The following ACTL8 variants were observed in gnomAD, a reference collection of about 807,000 sequenced individuals.
ACTL8 encodes actin like 8.
A neutral mutation model predicts 9.3 loss-of-function variants in ACTL8; 3 were observed. That is an observed-to-expected ratio of 0.32 (90% CI 0.15 to 0.83). The LOEUF (loss-of-function observed/expected upper bound fraction) is 0.83, where lower values mean the gene tolerates loss of function less well. ACTL8 is among the 40% of genes least tolerant of loss of function. The pLI, the probability that ACTL8 is intolerant of heterozygous loss-of-function variation, is 0.57. For missense variants in ACTL8, 381 were observed against 492.2 expected (o/e 0.77, Z 2.14); for synonymous variants, 224 against 205.9 (o/e 1.09, Z -0.75).
At chr1:17,809,208 T>C (rs2066377999) in intron 1 of ACTL8, among the ~76,000 whole-genome samples, 2 of 152,036 alleles carry the variant, frequency 1.3e-5, no homozygotes, top group Non-Finnish European at 2.9e-5. Flanking sequence ...TGGTGGTGCT[T>C]GGGAGAGGTA....
chr1:17,761,707 A>T (rs550849663), intron 1 of ACTL8, among the ~76,000 whole-genome samples: 3 of 152,072 alleles, frequency 2.0e-5, no homozygotes, highest in Non-Finnish European at 4.4e-5. Flanking sequence ...AGTAGCTGGG[A>T]TTACAGGCAC....
At chr1:17,801,910 T>C (rs2066325262) in intron 1 of ACTL8, among the ~76,000 whole-genome samples, 1 of 152,222 alleles carries the variant, frequency 6.6e-6, no homozygotes, top group Non-Finnish European at 1.5e-5. Flanking sequence ...CTTTTACCCT[T>C]ATATCTACAG....
chr1:17,778,174 G>A (rs534879816), intron 1 of ACTL8, among the ~76,000 whole-genome samples: 125 of 152,322 alleles, frequency 8.2e-4, no homozygotes, highest in Middle Eastern at 6.8e-3. Flanking sequence ...AAAGCTGTGG[G>A]TTGGCCCCTG....
At chr1:17,763,306 C>T (rs1468084987) in intron 1 of ACTL8, among the ~76,000 whole-genome samples, 1 of 151,994 alleles carries the variant, frequency 6.6e-6, no homozygotes, top group African/African-American at 2.4e-5. Context: ...CCGAGCTGGC[C>T]CAACGCTCCT....
chr1:17,795,038 T>C (rs186158424), intron 1 of ACTL8, among the ~76,000 whole-genome samples: 1 of 152,336 alleles, frequency 6.6e-6, no homozygotes, highest in East Asian at 1.9e-4. Context: ...AATCCAATAG[T>C]TGATTTCACT....
intron 1 of ACTL8, among the ~76,000 whole-genome samples, chr1:17,815,907 A>C (rs1281780257): frequency 6.6e-6 from 1 of 151,786 alleles, no homozygotes; most frequent in Non-Finnish European, 1.5e-5. Context: ...AAATCCCCTT[A>C]CTCATTCCTC....
At chr1:17,824,486 G>A (rs1272570178) in intron 2 of ACTL8, among the ~76,000 whole-genome samples, 1 of 152,214 alleles carries the variant, frequency 6.6e-6, no homozygotes, top group Non-Finnish European at 1.5e-5. Flanking sequence ...TTAAGTTGTT[G>A]CAGCAGAGAC....
chr1:17,781,884 T>C (rs553117345), intron 1 of ACTL8, among the ~76,000 whole-genome samples: 2 of 152,204 alleles, frequency 1.3e-5, no homozygotes, highest in South Asian at 4.2e-4. Flanking sequence ...CAGATAGGGC[T>C]ATTGGGACAG....
At chr1:17,796,209 C>T (rs976802543) in intron 1 of ACTL8, among the ~76,000 whole-genome samples, 1 of 151,852 alleles carries the variant, frequency 6.6e-6, no homozygotes, top group Non-Finnish European at 1.5e-5. Flanking sequence ...GGTTTGGTTC[C>T]CTGGAGGAGA....
chr1:17,778,689 G>A (rs997470653), intron 1 of ACTL8, among the ~76,000 whole-genome samples: 10 of 152,128 alleles, frequency 6.6e-5, no homozygotes, highest in African/African-American at 9.7e-5. Context: ...TTTCTTCTCC[G>A]TACAAGGAAG....
chr1:17,758,105 A>G (rs1011920750), intron 1 of ACTL8, among the ~76,000 whole-genome samples: 2 of 152,240 alleles, frequency 1.3e-5, no homozygotes, highest in African/African-American at 4.8e-5. Context: ...CTTGAAATGC[A>G]CAGTGGCTGC....
At position 17,788,273 on chromosome 1, in the gene ACTL8, G is replaced by A. The variant is rs546551560; in HGVS notation, c.-25+32769G>A. Among the ~76,000 whole-genome samples the A allele has an allele frequency of 1.0e-3, 159 of 152,338 alleles. 1 individual carries two copies. Among genetic ancestry groups the A allele is most frequent in the African/African-American group, 3.6e-3 (148 of 41,580 alleles). On this transcript the variant is annotated intron_variant, in intron 1 of 2. Transcript: ENST00000375406. ...AAAAAAATCTGTGTCTTCTTCTGCAGTCTCTGGGTCCCCAAGGTTGGTTAA... is the reference window on the plus strand; with the variant it reads ...AAAAAAATCTGTGTCTTCTTCTGCAATCTCTGGGTCCCCAAGGTTGGTTAA...
chr1:17,764,636 C>T (rs896529908), intron 1 of ACTL8, among the ~76,000 whole-genome samples: 2 of 152,096 alleles, frequency 1.3e-5, no homozygotes, highest in Non-Finnish European at 1.5e-5. Context: ...CTCCTTGTGT[C>T]GCCCCCACGC....
chr1:17,815,177 A>G lies in ACTL8; in HGVS notation c.-24-7808A>G, dbSNP rs185108609. 3.0e-3 allele frequency among the ~76,000 whole-genome samples: 456 copies of G among 152,350 alleles called. 2 individuals carry two copies. The highest frequency in any genetic ancestry group is 5.0e-3 in the Admixed American group (77 of 15,306). On this transcript the variant is annotated intron_variant, in intron 1 of 2. Transcript: ENST00000375406. ...CTAGGTAAGTAGTAGGCTATACCAT[A>G]TCTTTGCTTTCAATGGCCATACATA...
intron 1 of ACTL8, among the ~76,000 whole-genome samples, chr1:17,770,009 C>T (rs1051229538): frequency 7.9e-5 from 12 of 151,994 alleles, no homozygotes; most frequent in South Asian, 4.2e-4. Context: ...ATTTAATAGG[C>T]GTATAAATAA....
intron 1 of ACTL8, among the ~76,000 whole-genome samples, chr1:17,810,006 C>T (rs561858312): frequency 4.6e-5 from 7 of 152,280 alleles, no homozygotes; most frequent in Admixed American, 4.6e-4. Flanking sequence ...TTTTATTCAA[C>T]TTTTTCTTCC....
At chr1:17,795,046 A>C (rs995238942) in intron 1 of ACTL8, among the ~76,000 whole-genome samples, 11 of 152,188 alleles carry the variant, frequency 7.2e-5, no homozygotes, top group African/African-American at 2.7e-4. Flanking sequence ...AGTTGATTTC[A>C]CTTTCATGTT....
chr1:17,774,076 G>A (rs2066100980), intron 1 of ACTL8, among the ~76,000 whole-genome samples: 1 of 152,146 alleles, frequency 6.6e-6, no homozygotes, highest in African/African-American at 2.4e-5. Flanking sequence ...TTGCTGTCAT[G>A]GCCTAGAGGT....
At chr1:17,810,691 C>G (rs1233583044) in intron 1 of ACTL8, among the ~76,000 whole-genome samples, 1 of 152,190 alleles carries the variant, frequency 6.6e-6, no homozygotes, top group African/African-American at 2.4e-5. Flanking sequence ...TCTCACCGCC[C>G]CAGAAACGAC....
Sources: allele counts gnomAD v4.1 joint callset (sites outside exome capture counted in the v4.1 genomes callset), GRCh38; gene constraint gnomAD v4.1.1; transcripts MANE v1.5; gene names NCBI Gene and HGNC (gene_info 2026-07-23, HGNC 2026-07-21).